The following LGR4 variants were observed in gnomAD, a reference collection of about 807,000 sequenced individuals.
LGR4 encodes leucine rich repeat containing G protein-coupled receptor 4.
In LGR4, 44 loss-of-function variants were observed where a neutral mutation model predicts 84.8. The observed-to-expected ratio is 0.52, with a 90% CI of 0.41 to 0.67. The LOEUF is 0.67. LGR4 is among the 30% of genes least tolerant of loss of function. The pLI is 0.00. For synonymous variants in LGR4, 429 were observed against 434.3 expected (o/e 0.99, Z 0.15); for missense variants, 1,032 against 1,131.4 (o/e 0.91, Z 1.26).
intron 1 of LGR4, among the ~76,000 whole-genome samples, chr11:27,437,660 A>ATAGTGT (rs1554969573): frequency 7.1e-6 from 1 of 140,044 alleles, no homozygotes; most frequent in South Asian, 2.5e-4. Context: ...TTAAAGGACT[A>ATAGTGT]GTGTGTGTGT....
intron 1 of LGR4, among the ~76,000 whole-genome samples, chr11:27,419,652 A>G (rs966893422): frequency 6.8e-6 from 1 of 148,126 alleles, no homozygotes; most frequent in African/African-American, 2.5e-5. Flanking sequence ...ATATATACAC[A>G]TATATATGTG....
intron 1 of LGR4, among the ~76,000 whole-genome samples, chr11:27,452,623 GTTT>G (rs557477166): frequency 0.015 from 1,846 of 119,138 alleles, 15 homozygotes; most frequent in African/African-American, 0.059. Context: ...AACTTTTTGA[GTTT>G]TTTTTTTTTT....
At chr11:27,374,329 A>G (rs1194296358) in intron 13 of LGR4, among the ~76,000 whole-genome samples, 3 of 152,224 alleles carry the variant, frequency 2.0e-5, no homozygotes, top group Admixed American at 6.5e-5. Flanking sequence ...CAATTCAAAC[A>G]TATAAATGAT....
chr11:27,452,570 A>G (rs900834269), intron 1 of LGR4, among the ~76,000 whole-genome samples: 3 of 120,162 alleles, frequency 2.5e-5, no homozygotes, highest in African/African-American at 5.0e-5. Context: ...CGCCAACACT[A>G]TAATTTTGTC....
At chr11:27,447,928 T>C (rs536878449) in intron 1 of LGR4, among the ~76,000 whole-genome samples, 3 of 152,336 alleles carry the variant, frequency 2.0e-5, no homozygotes, top group East Asian at 3.9e-4. Context: ...GGTTTATGCA[T>C]GTTATATTTA....
At chr11:27,389,105 G>A (rs1410887233) in intron 4 of LGR4, among the ~76,000 whole-genome samples, 1 of 152,078 alleles carries the variant, frequency 6.6e-6, no homozygotes, top group Non-Finnish European at 1.5e-5. Flanking sequence ...AATCTTTCAT[G>A]TAATTCAGAT....
chr11:27,435,766 G>A (rs977325827), intron 1 of LGR4, among the ~76,000 whole-genome samples: 2 of 151,914 alleles, frequency 1.3e-5, no homozygotes, highest in African/African-American at 2.4e-5. Context: ...GTGATTACAG[G>A]TATAAGCAAC....
Position 27,380,667 on chromosome 11 carries a change from A to C in LGR4, c.875T>G (p.Phe292Cys). The change falls in exon 9 of 18, where the codon TTT (phenylalanine) becomes TGT (cysteine). Residue 292 changes from phenylalanine (F) to cysteine (C), a missense_variant. Physicochemically the swap from Phe to Cys is radical, Grantham distance 205 (BLOSUM62 -2). Transcript: ENST00000379214. ...NPLSFVGNSAFHNLSDLHSLV... is the reference protein window; with the variant it reads ...NPLSFVGNSACHNLSDLHSLV... ...GGAATGAAGATCAGATAAATTGTGA[A>C]ATGCTGAGTTCCCCACAAAAGACAG... 1 of 1,600,904 alleles carries C rather than the reference A, an allele frequency of 6.2e-7. No homozygotes were observed. The highest frequency in any genetic ancestry group is 1.1e-5 in the South Asian group (1 of 89,730).
chr11:27,462,482 T>C (rs1358773092), intron 1 of LGR4, among the ~76,000 whole-genome samples: 1 of 152,244 alleles, frequency 6.6e-6, no homozygotes, highest in Non-Finnish European at 1.5e-5. Context: ...ACTGTTTCTC[T>C]ACCAGGGTCT....
chr11:27,385,327 C>A lies in LGR4; in HGVS notation c.543G>T (p.Ala181=), dbSNP rs772072044. 1 of 1,610,346 alleles carries A rather than the reference C, an allele frequency of 6.2e-7. No homozygotes were observed. Among genetic ancestry groups the A allele is most frequent in the South Asian group, 1.1e-5 (1 of 89,948 alleles). Residue 181 remains alanine, a synonymous_variant, in exon 5 of 18, where the codon GCG becomes GCT. Coordinates refer to ENST00000379214, the MANE Select transcript of LGR4 (RefSeq NM_018490.5). ...HPLSNLPTLQ[A]LTLALNKISS... Reference sequence around the variant, plus strand: ...AGATCTTGTTGAGAGCCAGGGTCAGCGCCTGTAGGGTGGGCAGATTGCTGA... The same window carrying A: ...AGATCTTGTTGAGAGCCAGGGTCAGAGCCTGTAGGGTGGGCAGATTGCTGA...
At position 27,368,654 on chromosome 11, in the gene LGR4, G is replaced by A; in HGVS notation, c.2069C>T (p.Ser690Leu). 1.2e-6 allele frequency: 2 copies of A among 1,613,996 alleles called. No individual in the cohort carries two copies. The highest frequency in any genetic ancestry group is 2.2e-5 in the South Asian group (2 of 91,028). Residue 690 changes from serine (S) to leucine (L), a missense_variant, in exon 18 of 18, where the codon TCA (serine) becomes TTA (leucine). Transcript: ENST00000379214. ...PLFHRGEYSA[S>L]PLCLPFPTGE... The stretch of plus-strand genomic sequence containing the variant: ...TGTAGGAAATGGCAAACAAAGGGGT[G>A]ATGCAGAATATTCCCCTCTATGGAA...
At chr11:27,391,328 C>A (rs768122378) in intron 3 of LGR4, among the ~76,000 whole-genome samples, 163 bp from the exon 4 acceptor site, 45 of 148,492 alleles carry the variant, frequency 3.0e-4, no homozygotes, top group Non-Finnish European at 6.1e-4. Flanking sequence ...TGCAAAACTT[C>A]AAGAAGCACT....
intron 2 of LGR4, among the ~76,000 whole-genome samples, chr11:27,406,425 TG>T (rs1343617886): frequency 6.6e-6 from 1 of 152,144 alleles, no homozygotes; most frequent in Non-Finnish European, 1.5e-5. Flanking sequence ...TATGTAAACT[TG>T]GGTCAGTTAC....
intron 1 of LGR4, among the ~76,000 whole-genome samples, chr11:27,437,864 G>A (rs1482660565): frequency 1.3e-5 from 2 of 152,042 alleles, no homozygotes; most frequent in South Asian, 2.1e-4. Flanking sequence ...ATACAGCCAG[G>A]AGGGGTGGCG....
chr11:27,411,476 T>C (rs961178929), intron 2 of LGR4, among the ~76,000 whole-genome samples: 2 of 152,126 alleles, frequency 1.3e-5, no homozygotes, highest in Non-Finnish European at 2.9e-5. Flanking sequence ...TCTGCTTTTT[T>C]TCTTATGCAC....
chr11:27,369,136 A>T lies in LGR4; in HGVS notation c.1587T>A (p.Phe529Leu), dbSNP rs1293512133. 5.1e-6 allele frequency: 8 copies of T among 1,582,112 alleles called. No individual in the cohort carries two copies. The highest frequency in any genetic ancestry group is 6.0e-6 in the Non-Finnish European group (7 of 1,167,472). Residue 529 changes from phenylalanine (F) to leucine (L), a missense_variant, in exon 18 of 18, where the codon TTT becomes TTA. Transcript: ENST00000379214. ...IIHCTPSTGAFKPCEYLLGSW... is the reference protein window; with the variant it reads ...IIHCTPSTGALKPCEYLLGSW... ...TTCCCAGTAAATATTCACAGGGCTTAAAAGCACCTAAAAAAAACACACACA... is the reference window on the plus strand; with the variant it reads ...TTCCCAGTAAATATTCACAGGGCTTTAAAGCACCTAAAAAAAACACACACA...
intron 1 of LGR4, among the ~76,000 whole-genome samples, chr11:27,449,427 A>G (rs1447917160): frequency 6.6e-6 from 1 of 152,054 alleles, no homozygotes; most frequent in Non-Finnish European, 1.5e-5. Flanking sequence ...TACAAAAAAT[A>G]AAAAATTAGC....
At position 27,368,285 on chromosome 11, in the gene LGR4, T is replaced by C. The variant is rs758935182; in HGVS notation, c.2438A>G (p.Lys813Arg). The C allele has an allele frequency of 1.2e-6, 2 of 1,614,218 alleles. No homozygotes were observed. The highest frequency in any genetic ancestry group is 8.5e-7 in the Non-Finnish European group (1 of 1,180,028). ...FFNPKFKEDW[K>R]LLKRRVTKKS... is the part of the protein sequence containing the mutation. Reference sequence around the variant, plus strand: ...CTTGGTAACACGTCGCTTCAGTAACTTCCAGTCTTCTTTAAACTTTGGGTT... The same window carrying C: ...CTTGGTAACACGTCGCTTCAGTAACCTCCAGTCTTCTTTAAACTTTGGGTT... The change falls in exon 18 of 18, where the codon AAG becomes AGG. Residue 813 changes from lysine (K) to arginine (R), a missense_variant. By Grantham distance (26) the Lys-to-Arg change is conservative. Transcript: ENST00000379214.
chr11:27,466,819 T>C (rs1171631980), intron 1 of LGR4, among the ~76,000 whole-genome samples: 2 of 152,192 alleles, frequency 1.3e-5, no homozygotes, highest in Non-Finnish European at 2.9e-5. Context: ...AGTCTCGCTC[T>C]GTTGCCCAGG....
Sources: gnomAD v4.1 joint callset for allele counts (sites outside exome capture counted in the v4.1 genomes callset) on GRCh38, gnomAD v4.1.1 for gene constraint, MANE v1.5 for transcripts, NCBI Gene and HGNC (gene_info 2026-07-23, HGNC 2026-07-21) for gene names.